The following AFDN variants were observed in gnomAD, a reference collection of about 807,000 sequenced individuals.
AFDN encodes the protein afadin.
Under a neutral mutation model 216.6 loss-of-function variants are expected in AFDN, and 68 were observed. The observed-to-expected ratio is 0.31, with a 90% CI of 0.26 to 0.38. AFDN has a LOEUF of 0.38. Ranked by LOEUF, AFDN falls within the 10% of genes least tolerant of loss-of-function variation. The probability of loss-of-function intolerance (pLI) is 1.00; values close to 1 mark genes in which losing one functional copy is unlikely to be tolerated. For synonymous variants in AFDN, 868 were observed against 853.7 expected, an observed-to-expected ratio of 1.02 and a Z score of -0.29; for missense variants, 2,136 against 2,342.0, an observed-to-expected ratio of 0.91 and a Z score of 1.82.
intron 23 of AFDN, among the ~76,000 whole-genome samples, chr6:167,933,274 G>A (rs9346513): frequency 0.19 from 28,725 of 152,070 alleles, 3,245 homozygotes; most frequent in South Asian, 0.24. Context: ...TCAAGTTTAT[G>A]CTTTTAGACA....
intron 9 of AFDN, among the ~76,000 whole-genome samples, chr6:167,894,447 A>T (rs1008154817): frequency 6.6e-6 from 1 of 152,044 alleles, no homozygotes. Flanking sequence ...AAAATTTGGG[A>T]TTTTTGTTTT....
intron 4 of AFDN, among the ~76,000 whole-genome samples, chr6:167,873,369 A>G (rs1463734011): frequency 1.3e-5 from 2 of 152,234 alleles, no homozygotes; most frequent in East Asian, 3.8e-4. Context: ...TAAGATGTTT[A>G]TATTTCACAA....
Position 167,829,055 on chromosome 6 carries a change from T to C in AFDN, c.105+1818T>C, listed in dbSNP as rs564160704. On this transcript the variant is annotated intron_variant, in intron 1 of 33. Transcript: ENST00000683244. ...GTGAAAGTTTGCTTTGTACATACACTGAAGCAAAACAAGAATTGAAGGACT... is the reference window on the plus strand; with the variant it reads ...GTGAAAGTTTGCTTTGTACATACACCGAAGCAAAACAAGAATTGAAGGACT... Among the ~76,000 whole-genome samples the C allele has an allele frequency of 6.1e-4, 93 of 152,276 alleles. 1 individual carries two copies. Among genetic ancestry groups the C allele is most frequent in the Admixed American group, 1.6e-3 (25 of 15,298 alleles).
intron 6 of AFDN, among the ~76,000 whole-genome samples, chr6:167,881,679 G>A (rs1786127699): frequency 6.6e-6 from 1 of 152,196 alleles, no homozygotes; most frequent in Non-Finnish European, 1.5e-5. Flanking sequence ...AACTGCTGAA[G>A]GCTAGAGTAA....
chr6:167,903,356 C>T (rs934537209), intron 12 of AFDN, among the ~76,000 whole-genome samples: 6 of 152,242 alleles, frequency 3.9e-5, no homozygotes, highest in Non-Finnish European at 8.8e-5. Context: ...CACTGACCCT[C>T]TCTCTGTGCT....
At chr6:167,836,842 G>A (rs942262477) in intron 1 of AFDN, among the ~76,000 whole-genome samples, 6 of 152,184 alleles carry the variant, frequency 3.9e-5, no homozygotes, top group Admixed American at 2.6e-4. Context: ...ATTGTAGTTG[G>A]TGAATATATG....
chr6:167,834,627 A>G (rs995524383), intron 1 of AFDN, among the ~76,000 whole-genome samples: 2 of 151,940 alleles, frequency 1.3e-5, no homozygotes, highest in African/African-American at 4.8e-5. Flanking sequence ...TGTGTCAAGG[A>G]TTCTAGTTTG....
intron 1 of AFDN, among the ~76,000 whole-genome samples, chr6:167,848,101 T>A (rs969583750): frequency 1.3e-5 from 2 of 152,156 alleles, no homozygotes; most frequent in Non-Finnish European, 2.9e-5. Context: ...TGTGAAACTG[T>A]GGGGGTAGCA....
upstream of AFDN, chr6:167,826,625 T>G: frequency 2.0e-6 from 1 of 509,098 alleles, no homozygotes; most frequent in Non-Finnish European, 4.0e-6. Context: ...ACTGCCCATT[T>G]AGATCCAGCA....
chr6:167,885,422 C>T (rs1030920922), intron 6 of AFDN, among the ~76,000 whole-genome samples: 5 of 152,120 alleles, frequency 3.3e-5, no homozygotes, highest in African/African-American at 9.7e-5. Context: ...GCAGCTCTTC[C>T]TTTCACTTAG....
chr6:167,970,730 G>A lies in AFDN; in HGVS notation c.*795G>A, dbSNP rs1797968189. The A allele has an allele frequency of 4.6e-6, 1 of 216,450 alleles. No individual in the cohort carries two copies. The highest frequency in any genetic ancestry group is 9.3e-6 in the Non-Finnish European group (1 of 107,648). 13.4% of individuals were successfully genotyped at this position (216,450 alleles called of 1,614,324 possible). ...AAATTTAAAGATGACAGTTACCTTG[G>A]AAAGTTCACTAATACTTCGCTCCAA... On this transcript the variant is annotated 3_prime_UTR_variant, in exon 34 of 34. Transcript: ENST00000683244.
chr6:167,914,110 A>G lies in AFDN; in HGVS notation c.2059-58A>G, dbSNP rs145011384. The G allele has an allele frequency of 1.0e-3, 1,658 of 1,581,948 alleles. 9 individuals carry two copies. The Middle Eastern group carries it at 0.026, about 25-fold the overall frequency. On this transcript the variant is annotated intron_variant, in intron 16 of 33. Transcript: ENST00000683244. ...AGCAGCTTTTCAAGAGCATTCCTTT[A>G]TATTTTTATTACTTTTGTTTATTCT...
intron 1 of AFDN, chr6:167,863,867 T>C (rs1783863339): frequency 2.0e-6 from 1 of 506,838 alleles, no homozygotes; most frequent in South Asian, 1.4e-5. Context: ...TTTAGAAAAT[T>C]AGTTACAACT....
chr6:167,877,864 G>A (rs1372935632), intron 5 of AFDN, among the ~76,000 whole-genome samples: 3 of 152,060 alleles, frequency 2.0e-5, no homozygotes, highest in Non-Finnish European at 4.4e-5. Flanking sequence ...GAACCTGCAT[G>A]TCCTCCTTAA....
chr6:167,952,553 G>A lies in AFDN; in HGVS notation c.4833+366G>A, dbSNP rs901118384. On this transcript the variant is annotated intron_variant, in intron 30 of 33. Coordinates refer to ENST00000683244, the MANE Select transcript of AFDN (RefSeq NM_001386888.1). Reference sequence around the variant, plus strand: ...AGGCAAAATTTTTCTTCCAGGGCCAGATTGATACTTTAGGCTTTGCAGGCC... The same window carrying A: ...AGGCAAAATTTTTCTTCCAGGGCCAAATTGATACTTTAGGCTTTGCAGGCC... The A allele has an allele frequency of 5.1e-6, 5 of 974,398 alleles. No individual in the cohort carries two copies. The African/African-American group carries it at 8.8e-5, about 17-fold the overall frequency. The allele number at this position is 974,398 out of a possible 1,614,324, so 60.4% of individuals were successfully genotyped here.
chr6:167,914,610 G>C, intron 17 of AFDN, 34 bp from the exon 18 acceptor site: 1 of 1,447,114 alleles, frequency 6.9e-7, no homozygotes, highest in Non-Finnish European at 9.7e-7. Flanking sequence ...TGTCTGTCAT[G>C]CTAAGATTAC....
intron 30 of AFDN, chr6:167,954,522 C>G: frequency 6.3e-7 from 1 of 1,590,560 alleles, no homozygotes. Context: ...CCCTTTGGTA[C>G]TTTTTTCCTG....
intron 1 of AFDN, among the ~76,000 whole-genome samples, chr6:167,854,006 C>T (rs1256077537): frequency 1.3e-5 from 2 of 151,936 alleles, no homozygotes; most frequent in Non-Finnish European, 2.9e-5. Context: ...ATTGCTGTTT[C>T]AAAATGTACA....
chr6:167,930,561 CT>C (rs932993715), intron 23 of AFDN, among the ~76,000 whole-genome samples: 9 of 152,298 alleles, frequency 5.9e-5, no homozygotes, highest in African/African-American at 2.2e-4. Context: ...CCAGTTTGGG[CT>C]GTCAGGGGAA....
Sources: gnomAD v4.1 joint callset for allele counts (sites outside exome capture counted in the v4.1 genomes callset) on GRCh38, gnomAD v4.1.1 for gene constraint, MANE v1.5 for transcripts, NCBI Gene and HGNC (gene_info 2026-07-23, HGNC 2026-07-21) for gene names.